CCDC80: variants seen among roughly 807,000 people sequenced by gnomAD.
CCDC80 encodes the protein coiled-coil domain-containing protein 80.
In CCDC80, 49 loss-of-function variants were observed where a neutral mutation model predicts 78.7. The observed-to-expected ratio is 0.62, with a 90% CI of 0.50 to 0.79. The LOEUF (loss-of-function observed/expected upper bound fraction) is 0.79, where lower values mean the gene tolerates loss of function less well. CCDC80 is among the 30% of genes least tolerant of loss of function. The pLI is 0.00. For missense variants in CCDC80, 1,205 were observed against 1,198.6 expected, an observed-to-expected ratio of 1.01 and a Z score of -0.08; for synonymous variants, 488 against 447.0, an observed-to-expected ratio of 1.09 and a Z score of -1.16.
At chr3:112,634,335 T>C (rs541894968) in intron 2 of CCDC80, among the ~76,000 whole-genome samples, 6 of 152,294 alleles carry the variant, frequency 3.9e-5, no homozygotes, top group African/African-American at 1.4e-4. Context: ...ATTCTTAAAT[T>C]TGCACTTGAA....
In CCDC80 at chr3:112,638,400, A is replaced by G; in HGVS notation, c.1506T>C (p.Leu502=). 1 of 1,613,122 alleles carries G rather than the reference A, an allele frequency of 6.2e-7. No homozygotes were observed. Among genetic ancestry groups the G allele is most frequent in the Non-Finnish European group, 8.5e-7 (1 of 1,179,944 alleles). ...PPKKKAQDKI[L]SNEYEEKYDL... is the part of the protein sequence containing the mutation. ...CATACTTCTCCTCATACTCATTACT[A>G]AGAATTTTGTCCTGGGCCTTCTTTT... is the stretch of plus-strand genomic sequence containing the variant. Residue 502 remains leucine, a synonymous_variant, in exon 2 of 8, where the codon CTT becomes CTC. Transcript: ENST00000206423.
At position 112,605,607 on chromosome 3, in the gene CCDC80, A is replaced by G. The variant is rs778734592; in HGVS notation, c.2663T>C (p.Ile888Thr). 7 of 1,614,172 alleles carry G rather than the reference A, an allele frequency of 4.3e-6. No individual in the cohort carries two copies. Among genetic ancestry groups the G allele is most frequent in the Non-Finnish European group, 5.9e-6 (7 of 1,180,020 alleles). The part of the protein sequence containing the change: ...WYPSPMWSMV[I>T]VYDLIDSMQL... ...CATCGAATCAATTAAATCGTACACA[A>G]TCACCATGGACCACATTGGGGAAGG... Residue 888 changes from isoleucine to threonine, a missense_variant, in exon 8 of 8, where the codon ATT becomes ACT. Ile to Thr is a moderately conservative substitution (Grantham distance 89). Coordinates refer to ENST00000206423, the MANE Select transcript of CCDC80 (RefSeq NM_199511.3).
intron 3 of CCDC80, among the ~76,000 whole-genome samples, chr3:112,621,667 T>C (rs1335771450): frequency 6.6e-6 from 1 of 152,218 alleles, no homozygotes; most frequent in South Asian, 2.1e-4. Flanking sequence ...GTGGACACTG[T>C]GGTGTGCTGT....
intron 2 of CCDC80, among the ~76,000 whole-genome samples, chr3:112,631,133 T>C (rs368817175): frequency 5.3e-5 from 8 of 152,216 alleles, no homozygotes; most frequent in African/African-American, 1.9e-4. Context: ...GAGGTCCTCT[T>C]GAATCTTTTC....
rs1935393029 is a variant in CCDC80, at chr3:112,602,601, CATCTGAAT to C, written c.*2808_*2815del. 6.6e-6 allele frequency: 1 copy of C among 152,226 alleles called. No individual in the cohort carries two copies. The allele number at this position is 152,226 out of a possible 1,614,324, so 9.4% of individuals were successfully genotyped here. ...CTGCTGATATGGAGAAACTTTGAGTCATCTGAATAGAAGATCAAGCCAGCCACAAAATT... is the reference window on the plus strand; with the variant it reads ...CTGCTGATATGGAGAAACTTTGAGTCAGAAGATCAAGCCAGCCACAAAATT... On this transcript the variant is annotated 3_prime_UTR_variant, in exon 8 of 8. Coordinates refer to ENST00000206423, the MANE Select transcript of CCDC80 (RefSeq NM_199511.3).
At position 112,599,867 on chromosome 3, in the gene CCDC80, G is replaced by C. The variant is rs962333153; in HGVS notation, c.*5550C>G. 7 of 152,208 alleles carry C rather than the reference G, an allele frequency of 4.6e-5. No homozygotes were observed. The highest frequency in any genetic ancestry group is 8.8e-5 in the Non-Finnish European group (6 of 68,032). The allele number at this position is 152,208 out of a possible 1,614,324, so 9.4% of individuals were successfully genotyped here. ...TGTCTGATGAAAAGTAGTTTTTGAA[G>C]AGTCTTGTGACAACCAGCAATTTCG... is the stretch of plus-strand genomic sequence containing the variant. On this transcript the variant is annotated 3_prime_UTR_variant, in exon 8 of 8. Transcript: ENST00000206423.
At chr3:112,624,015 G>A (rs1342401547) in intron 3 of CCDC80, among the ~76,000 whole-genome samples, 1 of 152,152 alleles carries the variant, frequency 6.6e-6, no homozygotes, top group East Asian at 1.9e-4. Context: ...GGCTGGCACA[G>A]TTCCTAGCAT....
intron 3 of CCDC80, among the ~76,000 whole-genome samples, chr3:112,622,822 ATTT>A (rs373170477): frequency 1.7e-5 from 2 of 118,896 alleles, no homozygotes; most frequent in African/African-American, 6.9e-5. Context: ...TGCCCAGCTA[ATTT>A]TTTTTTTTTT....
At chr3:112,609,040 T>C (rs1234306215) in intron 6 of CCDC80, among the ~76,000 whole-genome samples, 2 of 152,192 alleles carry the variant, frequency 1.3e-5, no homozygotes, top group African/African-American at 4.8e-5. Context: ...GTGATTCATC[T>C]ATGTTCTAAT....
rs80100028 is a variant in CCDC80, at chr3:112,605,392, T to A, written c.*25A>T. 359 of 1,538,526 alleles carry A rather than the reference T, an allele frequency of 2.3e-4. 2 individuals carry two copies. The East Asian group carries it at 6.5e-3, about 28-fold the overall frequency. ...TTTAGCAGCTGCAGAGGAAACTGGC[T>A]GAGTCTAAGGTTACATATTTCTGCT... On this transcript the variant is annotated 3_prime_UTR_variant, in exon 8 of 8. Coordinates refer to ENST00000206423, the MANE Select transcript of CCDC80 (RefSeq NM_199511.3).
chr3:112,629,800 C>T (rs1936059679), intron 3 of CCDC80, among the ~76,000 whole-genome samples: 1 of 152,134 alleles, frequency 6.6e-6, no homozygotes, highest in East Asian at 1.9e-4. Flanking sequence ...GACTCAGTAC[C>T]CAGAAAAAGT....
rs1170600445 is a variant in CCDC80, at chr3:112,638,082, G to C, written c.1824C>G (p.Pro608=). Reference sequence around the variant, plus strand: ...CCAGCAGGTCGGCCACTGACTTCTTGGGACTCTGCGTGAAGTGTTTGTTGG... The same window carrying C: ...CCAGCAGGTCGGCCACTGACTTCTTCGGACTCTGCGTGAAGTGTTTGTTGG... The part of the protein sequence containing the change: ...KPTNKHFTQS[P]KKSVADLLGS... Residue 608 remains proline, a synonymous_variant, in exon 2 of 8, where the codon CCC becomes CCG. Transcript: ENST00000206423. 5.0e-6 allele frequency: 8 copies of C among 1,613,224 alleles called. No individual in the cohort carries two copies. Among genetic ancestry groups the C allele is most frequent in the Non-Finnish European group, 6.8e-6 (8 of 1,179,854 alleles).
rs1051536079 is a variant in CCDC80 at position 112,597,966 on chromosome 3, C to G, written c.*7451G>C. The G allele has an allele frequency of 6.6e-6, 1 of 152,146 alleles. No individual in the cohort carries two copies. The highest frequency in any genetic ancestry group is 2.1e-4 in the South Asian group (1 of 4,824). The allele number at this position is 152,146 out of a possible 1,614,324, so 9.4% of individuals were successfully genotyped here. On this transcript the variant is annotated 3_prime_UTR_variant, in exon 8 of 8. Coordinates refer to ENST00000206423, the MANE Select transcript of CCDC80 (RefSeq NM_199511.3). ...AAGTACATATAGAATAGTATAAATACAATAAATGTTTGAATTATCGTATAA... is the reference window on the plus strand; with the variant it reads ...AAGTACATATAGAATAGTATAAATAGAATAAATGTTTGAATTATCGTATAA...
chr3:112,598,338 A>G lies in CCDC80; in HGVS notation c.*7079T>C, dbSNP rs1935318385. The G allele has an allele frequency of 6.6e-6, 1 of 152,148 alleles. No individual in the cohort carries two copies. Among genetic ancestry groups the G allele is most frequent in the African/African-American group, 2.4e-5 (1 of 41,428 alleles). 9.4% of individuals were successfully genotyped at this position (152,148 alleles called of 1,614,324 possible). ...TCTTGGATATCTTTTTGCATTATAG[A>G]TAGCCTTGGGAAGGGTGTCACCTTT... On this transcript the variant is annotated 3_prime_UTR_variant, in exon 8 of 8. Coordinates refer to ENST00000206423, the MANE Select transcript of CCDC80 (RefSeq NM_199511.3).
chr3:112,618,670 C>T (rs1205867643), intron 4 of CCDC80, among the ~76,000 whole-genome samples: 5 of 152,156 alleles, frequency 3.3e-5, no homozygotes, highest in Admixed American at 2.0e-4. Context: ...TCCAGGACCT[C>T]GCACATCATA....
chr3:112,607,159 A>G lies in CCDC80; in HGVS notation c.2506+17T>C, dbSNP rs902768643. 2 of 1,579,736 alleles carry G rather than the reference A, an allele frequency of 1.3e-6. No individual in the cohort carries two copies. Among genetic ancestry groups the G allele is most frequent in the African/African-American group, 2.7e-5 (2 of 73,840 alleles). Reference sequence around the variant, plus strand: ...CTTAACACTAGTTCATACTGTTTCAAGATAACAACACATTACCATTAATTG... The same window carrying G: ...CTTAACACTAGTTCATACTGTTTCAGGATAACAACACATTACCATTAATTG... On this transcript the variant is annotated intron_variant, in intron 7 of 7. Coordinates refer to ENST00000206423, the MANE Select transcript of CCDC80 (RefSeq NM_199511.3).
At chr3:112,609,088 C>T (rs576902932) in intron 6 of CCDC80, among the ~76,000 whole-genome samples, 14 of 151,152 alleles carry the variant, frequency 9.3e-5, no homozygotes, top group Non-Finnish European at 1.9e-4. Flanking sequence ...GCTACTTCCC[C>T]CTGCCCCTGC....
intron 2 of CCDC80, among the ~76,000 whole-genome samples, chr3:112,632,017 A>T (rs1936110091): frequency 6.6e-6 from 1 of 152,164 alleles, no homozygotes; most frequent in South Asian, 2.1e-4. Flanking sequence ...ATAATTTTTT[A>T]AGGGGAAAAA....
intron 2 of CCDC80, among the ~76,000 whole-genome samples, chr3:112,632,039 C>T (rs992060434): frequency 1.3e-5 from 2 of 152,092 alleles, no homozygotes; most frequent in African/African-American, 2.4e-5. Context: ...AAAATTTCTC[C>T]AAATTTATTC....
Sources: gnomAD v4.1 joint callset for allele counts (sites outside exome capture counted in the v4.1 genomes callset) on GRCh38, gnomAD v4.1.1 for gene constraint, MANE v1.5 for transcripts, NCBI Gene and HGNC (gene_info 2026-07-23, HGNC 2026-07-21) for gene names.